SPRY3: variants seen among roughly 807,000 people sequenced by gnomAD.
SPRY3 encodes the protein protein sprouty homolog 3.
A neutral mutation model predicts 20.2 loss-of-function variants in SPRY3; 15 were observed. The observed-to-expected ratio is 0.74, with a 90% CI of 0.50 to 1.14. The LOEUF is 1.14. Among genes scored for constraint, SPRY3 ranks in the 50% most tolerant of loss-of-function variants. The pLI, the probability that SPRY3 is intolerant of heterozygous loss-of-function variation, is 0.00. For missense variants in SPRY3, 364 were observed against 363.9 expected, an observed-to-expected ratio of 1.00 and a Z score of 0.00; for synonymous variants, 143 against 136.5, an observed-to-expected ratio of 1.05 and a Z score of -0.33.
chrX:155,630,689 G>A (rs1350410134), intron 1 of SPRY3, among the ~76,000 whole-genome samples: 1 of 110,572 alleles, frequency 9.0e-6, no homozygotes, highest in Non-Finnish European at 1.9e-5. Context: ...TTAATAGTTT[G>A]GTCATAGTAT....
chrX:155,731,805 C>A (rs2091134569), intron 2 of SPRY3, among the ~76,000 whole-genome samples: 1 of 151,932 alleles, frequency 6.6e-6, no homozygotes, highest in African/African-American at 2.4e-5. Context: ...TCCAACAACT[C>A]TATAGGAAAA....
chrX:155,780,095 C>G (rs1434121747), downstream of SPRY3: 3 of 166,934 alleles, frequency 1.8e-5, no homozygotes, highest in Non-Finnish European at 2.9e-5. Context: ...TCATTACAAT[C>G]CAAGTTATAT....
intron 2 of SPRY3, among the ~76,000 whole-genome samples, chrX:155,726,335 C>T (rs992622437): frequency 1.1e-4 from 17 of 152,136 alleles, no homozygotes; most frequent in African/African-American, 3.1e-4. Context: ...TCTATTACAT[C>T]TACTTGGTGC....
chrX:155,677,205 T>C (rs1474922016), intron 2 of SPRY3, among the ~76,000 whole-genome samples: 1 of 111,937 alleles, frequency 8.9e-6, no homozygotes, highest in Non-Finnish European at 1.9e-5. Flanking sequence ...AGTAAAAAGA[T>C]ACTGATGCAA....
intron 2 of SPRY3, among the ~76,000 whole-genome samples, chrX:155,713,915 A>G (rs1373092412): frequency 6.6e-6 from 1 of 151,798 alleles, no homozygotes; most frequent in Non-Finnish European, 1.5e-5. Flanking sequence ...CTGACTTTGT[A>G]TTTTCAAATA....
intron 1 of SPRY3, chrX:155,613,025 G>A (rs2067836196): frequency 8.9e-6 from 1 of 112,434 alleles, no homozygotes; most frequent in Admixed American, 9.3e-5. Context: ...CCCGGTGCTA[G>A]GGCGTCAGTC....
intron 2 of SPRY3, among the ~76,000 whole-genome samples, chrX:155,716,688 T>C (rs1424448280): frequency 6.6e-6 from 1 of 152,068 alleles, no homozygotes; most frequent in African/African-American, 2.4e-5. Context: ...ATGTCTCTGT[T>C]CATTTTTTTA....
At chrX:155,613,167 T>G (rs1429416731) in intron 1 of SPRY3, among the ~76,000 whole-genome samples, 1 of 112,268 alleles carries the variant, frequency 8.9e-6, no homozygotes, top group African/African-American at 3.2e-5. Flanking sequence ...GCCTGCCATT[T>G]CAGTGCTCCT....
chrX:155,749,170 A>G (rs2091245793), intron 2 of SPRY3, among the ~76,000 whole-genome samples: 2 of 152,006 alleles, frequency 1.3e-5, no homozygotes, highest in South Asian at 4.2e-4. Flanking sequence ...TATAAGCAAT[A>G]TAATCCACTT....
intron 2 of SPRY3, among the ~76,000 whole-genome samples, chrX:155,723,214 G>A (rs1186216609): frequency 6.6e-6 from 1 of 152,046 alleles, no homozygotes; most frequent in Non-Finnish European, 1.5e-5. Flanking sequence ...CCAAGTCTTT[G>A]CTATTGTGAA....
chrX:155,769,686 T>C (rs1384558128), intron 3 of SPRY3, among the ~76,000 whole-genome samples: 1 of 152,194 alleles, frequency 6.6e-6, no homozygotes, highest in Non-Finnish European at 1.5e-5. Flanking sequence ...ATTCAAGGTC[T>C]TAAAACTGCA....
At chrX:155,709,556 A>T (rs2090972836) in intron 2 of SPRY3, among the ~76,000 whole-genome samples, 1 of 151,360 alleles carries the variant, frequency 6.6e-6, no homozygotes, top group Admixed American at 6.6e-5. Flanking sequence ...ATTTATTCTG[A>T]TTATCAATTC....
downstream of SPRY3, chrX:155,780,718 C>G (rs2091458187): frequency 6.0e-6 from 1 of 166,846 alleles, no homozygotes; most frequent in African/African-American, 2.4e-5. Flanking sequence ...GCTTAAACAA[C>G]TTTACTCGTG....
At chrX:155,731,685 C>T (rs1220571354) in intron 2 of SPRY3, among the ~76,000 whole-genome samples, 1 of 151,916 alleles carries the variant, frequency 6.6e-6, no homozygotes, top group Non-Finnish European at 1.5e-5. Context: ...CAAGCTTCTG[C>T]ACAGCAAAGG....
chrX:155,716,748 G>T (rs1317947281), intron 2 of SPRY3, among the ~76,000 whole-genome samples: 1 of 151,326 alleles, frequency 6.6e-6, no homozygotes, highest in Admixed American at 6.6e-5. Context: ...CCCTGTGATT[G>T]CACAGCTCAG....
At chrX:155,779,353 C>T (rs895274520), downstream of SPRY3, 2 of 166,942 alleles carry the variant, frequency 1.2e-5, no homozygotes, top group Admixed American at 6.6e-5. Context: ...CACATTCCTT[C>T]GAAGTAAGTT....
intron 2 of SPRY3, among the ~76,000 whole-genome samples, chrX:155,765,929 A>G (rs2091325427): frequency 2.0e-5 from 3 of 152,234 alleles, no homozygotes; most frequent in African/African-American, 7.2e-5. Flanking sequence ...CAGGTTGAGG[A>G]GCAAAAATTT....
chrX:155,772,117 A>G (rs2091384922), intron 3 of SPRY3, among the ~76,000 whole-genome samples: 1 of 152,184 alleles, frequency 6.6e-6, no homozygotes, highest in African/African-American at 2.4e-5. Flanking sequence ...GCATTTATTT[A>G]ACACCAAAAC....
At chrX:155,763,700 T>C (rs2124594442) in intron 2 of SPRY3, among the ~76,000 whole-genome samples, 1 of 152,290 alleles carries the variant, frequency 6.6e-6, no homozygotes, top group Non-Finnish European at 1.5e-5. Flanking sequence ...CCATGTGAAT[T>C]CCTTCATGTG....
Sources: gnomAD v4.1 joint callset for allele counts (sites outside exome capture counted in the v4.1 genomes callset) on GRCh38, gnomAD v4.1.1 for gene constraint, MANE v1.5 for transcripts, NCBI Gene and HGNC (gene_info 2026-07-23, HGNC 2026-07-21) for gene names.